The following MPP7 variants were observed in gnomAD, a reference collection of about 807,000 sequenced individuals.
The protein encoded by MPP7 is MAGUK p55 subfamily member 7.
In MPP7, 60 loss-of-function variants were observed where a neutral mutation model predicts 76.5. That is an observed-to-expected ratio of 0.78 (90% confidence interval 0.64 to 0.97). The LOEUF (loss-of-function observed/expected upper bound fraction) is 0.97, where lower values mean the gene tolerates loss of function less well. MPP7 is among the 50% of genes least tolerant of loss of function. MPP7 has a pLI of 0.00. For synonymous variants in MPP7, 237 were observed against 244.5 expected (o/e 0.97, Z 0.29); for missense variants, 641 against 694.0 (o/e 0.92, Z 0.86).
chr10:28,244,872 A>G (rs1839383095), intron 1 of MPP7, among the ~76,000 whole-genome samples: 1 of 152,168 alleles, frequency 6.6e-6, no homozygotes, highest in African/African-American at 2.4e-5. Context: ...GCATAGGTGT[A>G]ATGAATGAAC....
intron 1 of MPP7, among the ~76,000 whole-genome samples, chr10:28,243,365 G>T (rs965019538): frequency 3.2e-4 from 49 of 151,564 alleles, no homozygotes; most frequent in Admixed American, 1.9e-3. Context: ...CAAAGCCTTT[G>T]CTGAGAAGAC....
At chr10:28,074,533 G>C (rs1852398447) in intron 12 of MPP7, among the ~76,000 whole-genome samples, 1 of 152,164 alleles carries the variant, frequency 6.6e-6, no homozygotes, top group Admixed American at 6.5e-5. Context: ...CTGGCCTCAA[G>C]TGATCCACCC....
chr10:28,154,672 T>C (rs533008761), intron 3 of MPP7, among the ~76,000 whole-genome samples: 72 of 150,146 alleles, frequency 4.8e-4, no homozygotes, highest in African/African-American at 1.6e-3. Flanking sequence ...ATTCCTTTAG[T>C]TCCCAGAATA....
At chr10:28,279,301 C>T (rs892985215) in intron 1 of MPP7, among the ~76,000 whole-genome samples, 1 of 152,046 alleles carries the variant, frequency 6.6e-6, no homozygotes, top group Non-Finnish European at 1.5e-5. Context: ...TCCCTGTTCC[C>T]TTTCCAAGTC....
Position 28,120,245 on chromosome 10 carries a change from G to A in MPP7, c.836C>T (p.Ala279Val). 1 of 1,613,988 alleles carries A rather than the reference G, an allele frequency of 6.2e-7. No homozygotes were observed. Among genetic ancestry groups the A allele is most frequent in the Non-Finnish European group, 8.5e-7 (1 of 1,179,920 alleles). The change falls in exon 10 of 17, where the codon GCT becomes GTT. Residue 279 changes from alanine to valine, a missense_variant. By Grantham distance (64) the Ala-to-Val change is moderately conservative. Transcript: ENST00000683449. ...CAAGCCTGCCCTGGGGTTGGCATCAGCTTCGTGTTTCGCTTGCCACCAAGT... is the reference window on the plus strand; with the variant it reads ...CAAGCCTGCCCTGGGGTTGGCATCAACTTCGTGTTTCGCTTGCCACCAAGT... ...DATWWQAKHE[A>V]DANPRAGLIP...
intron 7 of MPP7, among the ~76,000 whole-genome samples, chr10:28,124,466 ATTT>A (rs5784042): frequency 7.5e-5 from 6 of 80,078 alleles, no homozygotes; most frequent in Non-Finnish European, 4.4e-5. Context: ...AAGAAACAAG[ATTT>A]TTTTTTTTTT....
At chr10:28,161,607 A>T (rs1472797067) in intron 3 of MPP7, among the ~76,000 whole-genome samples, 1 of 152,164 alleles carries the variant, frequency 6.6e-6, no homozygotes, top group African/African-American at 2.4e-5. Flanking sequence ...GGAAATTCAG[A>T]CCGAAGCTAA....
At chr10:28,205,545 C>T (rs1837923374) in intron 2 of MPP7, among the ~76,000 whole-genome samples, 2 of 152,084 alleles carry the variant, frequency 1.3e-5, no homozygotes, top group Non-Finnish European at 2.9e-5. Flanking sequence ...CTCATTGATT[C>T]CAGTAAACAG....
chr10:28,121,140 CA>C (rs910463204), intron 8 of MPP7, among the ~76,000 whole-genome samples: 2 of 151,598 alleles, frequency 1.3e-5, no homozygotes, highest in African/African-American at 4.8e-5. Flanking sequence ...CCTGTCTCTA[CA>C]AAAAAAATTT....
chr10:28,136,120 G>A (rs1192623998), intron 5 of MPP7, among the ~76,000 whole-genome samples: 1 of 151,652 alleles, frequency 6.6e-6, no homozygotes, highest in Non-Finnish European at 1.5e-5. Flanking sequence ...AATGCTTGAT[G>A]ATCTGTCGCC....
chr10:28,082,809 C>G (rs1852825774), intron 12 of MPP7, among the ~76,000 whole-genome samples: 1 of 151,994 alleles, frequency 6.6e-6, no homozygotes, highest in Non-Finnish European at 1.5e-5. Context: ...CTGTATCTAG[C>G]TGGTCTTGAG....
chr10:28,162,164 A>G (rs1404366566), intron 3 of MPP7, among the ~76,000 whole-genome samples: 1 of 152,214 alleles, frequency 6.6e-6, no homozygotes, highest in Non-Finnish European at 1.5e-5. Flanking sequence ...AGCAAAGGAA[A>G]CACTGTTTTC....
At chr10:28,225,350 C>T (rs948553895) in intron 2 of MPP7, among the ~76,000 whole-genome samples, 2 of 152,008 alleles carry the variant, frequency 1.3e-5, no homozygotes, top group African/African-American at 2.4e-5. Context: ...AAACATTTGT[C>T]CATCAAAGGA....
At chr10:28,259,776 C>A (rs1431201076) in intron 1 of MPP7, among the ~76,000 whole-genome samples, 2 of 152,000 alleles carry the variant, frequency 1.3e-5, no homozygotes, top group Non-Finnish European at 2.9e-5. Context: ...CCCAGGAGTT[C>A]TAGGCCAGAG....
chr10:28,114,500 G>A (rs546410763), intron 11 of MPP7, among the ~76,000 whole-genome samples: 33 of 152,006 alleles, frequency 2.2e-4, no homozygotes, highest in Middle Eastern at 3.4e-3. Flanking sequence ...TGAAAAGCAC[G>A]TGGTGAGTCC....
intron 12 of MPP7, among the ~76,000 whole-genome samples, chr10:28,071,977 A>T (rs12250000): frequency 0.015 from 2,259 of 152,256 alleles, 56 homozygotes; most frequent in African/African-American, 0.051. Context: ...GAGCTTACCC[A>T]AGAGTAGTAT....
chr10:28,158,282 G>GT (rs750597393), intron 3 of MPP7, among the ~76,000 whole-genome samples: 2 of 152,138 alleles, frequency 1.3e-5, no homozygotes, highest in Non-Finnish European at 2.9e-5. Flanking sequence ...TGGGTGAAAT[G>GT]TAACCATCAA....
In MPP7 at chr10:28,241,087, T is replaced by C. The variant is rs1239837853; in HGVS notation, c.-131-2352A>G. Among the ~76,000 whole-genome samples the C allele has an allele frequency of 5.9e-5, 9 of 152,272 alleles. No homozygotes were observed. The South Asian group carries it at 1.9e-3, about 32-fold the overall frequency. On this transcript the variant is annotated intron_variant, in intron 1 of 16. Coordinates refer to ENST00000683449, the MANE Select transcript of MPP7 (RefSeq NM_001318170.2). Reference sequence around the variant, plus strand: ...CACTTTCTTCACAGCTTAAAGAACTTACAATGTTTCATGCTTGTAAACCAT... The same window carrying C: ...CACTTTCTTCACAGCTTAAAGAACTCACAATGTTTCATGCTTGTAAACCAT...
chr10:28,071,001 T>C (rs1252716982), intron 12 of MPP7, among the ~76,000 whole-genome samples: 4 of 151,924 alleles, frequency 2.6e-5, no homozygotes, highest in African/African-American at 7.3e-5. Flanking sequence ...TCAGGTAGAG[T>C]CCCATCTCTT....
Sources: gnomAD v4.1 joint callset for allele counts (sites outside exome capture counted in the v4.1 genomes callset) on GRCh38, gnomAD v4.1.1 for gene constraint, MANE v1.5 for transcripts, NCBI Gene and HGNC (gene_info 2026-07-23, HGNC 2026-07-21) for gene names.